Variants in C8orf34 observed in about 807,000 individuals in gnomAD.
The protein encoded by C8orf34 is uncharacterized protein C8orf34.
In C8orf34, 65 loss-of-function variants were observed where a neutral mutation model predicts 68.3. The observed-to-expected ratio is 0.95, with a 90% CI of 0.78 to 1.17. The LOEUF (loss-of-function observed/expected upper bound fraction) is 1.17. Ranked by LOEUF, C8orf34 falls within the 50% of genes most tolerant of loss-of-function variation. The pLI is 0.00. For missense variants in C8orf34, 664 were observed against 655.4 expected, an observed-to-expected ratio of 1.01 and a Z score of -0.14; for synonymous variants, 244 against 241.2, an observed-to-expected ratio of 1.01 and a Z score of -0.11.
intron 5 of C8orf34, among the ~76,000 whole-genome samples, chr8:68,513,827 G>T (rs1814386410): frequency 6.6e-6 from 1 of 152,124 alleles, no homozygotes; most frequent in Non-Finnish European, 1.5e-5. Flanking sequence ...GCAGGGAGTG[G>T]CAGGGAGCTG....
At chr8:68,558,130 C>A (rs1423891542) in intron 7 of C8orf34, among the ~76,000 whole-genome samples, 4 of 152,074 alleles carry the variant, frequency 2.6e-5, no homozygotes, top group African/African-American at 9.7e-5. Flanking sequence ...TAGTTCTGAA[C>A]TTTTTATAGA....
At chr8:68,498,953 G>T (rs1417773527) in intron 5 of C8orf34, among the ~76,000 whole-genome samples, 1 of 152,158 alleles carries the variant, frequency 6.6e-6, no homozygotes, top group Non-Finnish European at 1.5e-5. Context: ...ACTTCAGGGG[G>T]TACATGTGCA....
chr8:68,426,467 G>A (rs184738527), intron 1 of C8orf34, among the ~76,000 whole-genome samples: 3 of 145,286 alleles, frequency 2.1e-5, no homozygotes, highest in Non-Finnish European at 4.5e-5. Context: ...TGTAGTGAGC[G>A]GAGATCTTGC....
intron 7 of C8orf34, among the ~76,000 whole-genome samples, chr8:68,614,407 G>A (rs961240843): frequency 2.0e-5 from 3 of 152,044 alleles, no homozygotes; most frequent in African/African-American, 7.2e-5. Flanking sequence ...TTCTTCTAGG[G>A]TTTTTATGGT....
Position 68,362,431 on chromosome 8 carries a change from C to A in C8orf34, c.327+31092C>A, listed in dbSNP as rs142776662. ...GCCATGGAGGGAGGAGCCAAGATGG[C>A]CGAATAGGAACAGCTCCAGTCTACA... is the stretch of plus-strand genomic sequence containing the variant. On this transcript the variant is annotated intron_variant, in intron 1 of 13. Transcript: ENST00000518698. 4.0e-3 allele frequency among the ~76,000 whole-genome samples: 612 copies of A among 152,268 alleles called. 3 individuals are homozygous for A. Among genetic ancestry groups the A allele is most frequent in the African/African-American group, 0.014 (591 of 41,564 alleles).
chr8:68,345,105 G>A (rs1371724421), intron 1 of C8orf34, among the ~76,000 whole-genome samples: 1 of 151,834 alleles, frequency 6.6e-6, no homozygotes, highest in African/African-American at 2.4e-5. Flanking sequence ...AAATATAAAT[G>A]TATTAAATTA....
At chr8:68,814,814 T>A (rs1824760355) in intron 12 of C8orf34, among the ~76,000 whole-genome samples, 1 of 152,326 alleles carries the variant, frequency 6.6e-6, no homozygotes, top group Middle Eastern at 3.4e-3. Flanking sequence ...CGAGTTGAAG[T>A]AGCACTTAAC....
chr8:68,716,969 T>C (rs929165424), intron 9 of C8orf34, among the ~76,000 whole-genome samples: 1 of 151,660 alleles, frequency 6.6e-6, no homozygotes, highest in African/African-American at 2.4e-5. Flanking sequence ...TTGAAAGGCA[T>C]TCAGATTTCT....
intron 12 of C8orf34, among the ~76,000 whole-genome samples, chr8:68,801,632 C>T (rs1007101720): frequency 6.6e-6 from 1 of 152,168 alleles, no homozygotes; most frequent in Non-Finnish European, 1.5e-5. Context: ...TAACCAGCAG[C>T]TTCTTTCACA....
chr8:68,422,840 C>T (rs913494598), intron 1 of C8orf34, among the ~76,000 whole-genome samples: 9 of 152,196 alleles, frequency 5.9e-5, no homozygotes, highest in African/African-American at 2.2e-4. Flanking sequence ...TCCCAAACCT[C>T]AGTTCTTGTC....
chr8:68,569,446 C>T (rs949949354), intron 7 of C8orf34, among the ~76,000 whole-genome samples: 4 of 152,176 alleles, frequency 2.6e-5, no homozygotes, highest in African/African-American at 9.6e-5. Flanking sequence ...TCGGCCCCTC[C>T]CCACCTCCAG....
intron 10 of C8orf34, among the ~76,000 whole-genome samples, chr8:68,763,608 T>C (rs946755096): frequency 1.3e-5 from 2 of 151,158 alleles, no homozygotes; most frequent in Non-Finnish European, 1.5e-5. Context: ...ATATGACTTT[T>C]CCCCCATCTC....
intron 7 of C8orf34, among the ~76,000 whole-genome samples, chr8:68,631,789 C>T (rs889544150): frequency 6.6e-6 from 1 of 152,168 alleles, no homozygotes; most frequent in African/African-American, 2.4e-5. Context: ...TCTTTGCTCT[C>T]TCTCTCCTGC....
At chr8:68,335,133 A>G (rs949832154) in intron 1 of C8orf34, among the ~76,000 whole-genome samples, 1 of 152,150 alleles carries the variant, frequency 6.6e-6, no homozygotes, top group African/African-American at 2.4e-5. Context: ...CATGAAAAGA[A>G]ATATTTTTGT....
intron 5 of C8orf34, among the ~76,000 whole-genome samples, chr8:68,514,928 A>C (rs1014258251): frequency 5.3e-5 from 8 of 152,324 alleles, no homozygotes; most frequent in Non-Finnish European, 1.0e-4. Context: ...AGATAATTTT[A>C]AGGAAGAGAT....
intron 8 of C8orf34, among the ~76,000 whole-genome samples, chr8:68,702,924 G>A (rs780374482): frequency 5.3e-5 from 8 of 152,062 alleles, no homozygotes; most frequent in Non-Finnish European, 1.0e-4. Flanking sequence ...CCAGTAATTG[G>A]CTGCTACTTG....
intron 12 of C8orf34, among the ~76,000 whole-genome samples, chr8:68,809,521 G>C (rs1824584082): frequency 6.6e-6 from 1 of 152,000 alleles, no homozygotes; most frequent in African/African-American, 2.4e-5. Context: ...GCATGCCTGT[G>C]GTCCCAGCTA....
At chr8:68,417,230 TA>T (rs1462455887) in intron 1 of C8orf34, among the ~76,000 whole-genome samples, 11 of 152,192 alleles carry the variant, frequency 7.2e-5, no homozygotes, top group African/African-American at 2.7e-4. Context: ...CTAAAAAGAT[TA>T]AAAATTACAG....
chr8:68,474,429 C>T (rs2129630344), intron 4 of C8orf34, among the ~76,000 whole-genome samples: 1 of 152,220 alleles, frequency 6.6e-6, no homozygotes, highest in African/African-American at 2.4e-5. Flanking sequence ...TAGTTTATAT[C>T]TTCACTCCTA....
Sources: gnomAD v4.1 joint callset for allele counts (sites outside exome capture counted in the v4.1 genomes callset) on GRCh38, gnomAD v4.1.1 for gene constraint, MANE v1.5 for transcripts, NCBI Gene and HGNC (gene_info 2026-07-23, HGNC 2026-07-21) for gene names.